The following KIRREL3 variants were observed in gnomAD, a reference collection of about 807,000 sequenced individuals.
KIRREL3 encodes kin of IRRE-like protein 3.
In KIRREL3, 36 loss-of-function variants were observed where a neutral mutation model predicts 89.7. That is an observed-to-expected ratio of 0.40 (90% CI 0.31 to 0.53). The LOEUF is 0.53. KIRREL3 is among the 20% of genes least tolerant of loss of function. KIRREL3 has a pLI of 0.49. For synonymous variants in KIRREL3, 445 were observed against 441.4 expected (o/e 1.01, Z -0.10); for missense variants, 864 against 1,056.6 (o/e 0.82, Z 2.53).
chr11:126,649,889 C>G (rs1944842414), intron 1 of KIRREL3, among the ~76,000 whole-genome samples: 1 of 152,250 alleles, frequency 6.6e-6, no homozygotes, highest in African/African-American at 2.4e-5. Context: ...CAGAAGTTCT[C>G]CATGAGGTTC....
intron 1 of KIRREL3, among the ~76,000 whole-genome samples, chr11:126,822,493 G>C (rs200582512): frequency 7.6e-6 from 1 of 131,310 alleles, no homozygotes; most frequent in African/African-American, 2.9e-5. Context: ...AGGAATTTAT[G>C]TTTCCTTAAG....
intron 1 of KIRREL3, among the ~76,000 whole-genome samples, chr11:126,933,230 C>T (rs1321182286): frequency 6.6e-6 from 1 of 152,084 alleles, no homozygotes; most frequent in Non-Finnish European, 1.5e-5. Flanking sequence ...TCTCCTGTCC[C>T]ACTATCAAAG....
intron 2 of KIRREL3, among the ~76,000 whole-genome samples, chr11:126,560,320 C>T (rs1940024033): frequency 6.6e-6 from 1 of 152,166 alleles, no homozygotes; most frequent in South Asian, 2.1e-4. Context: ...TACCAACCAC[C>T]TCCATTCCTG....
rs1215431065 is a variant in KIRREL3, at chr11:126,558,814, G to A, written c.133+4021C>T. Among the ~76,000 whole-genome samples, 1 of 151,768 alleles carries A rather than the reference G, an allele frequency of 6.6e-6. No homozygotes were observed. Among genetic ancestry groups the A allele is most frequent in the Non-Finnish European group, 1.5e-5 (1 of 67,868 alleles). On this transcript the variant is annotated intron_variant, in intron 2 of 16. Transcript: ENST00000525144. This position sits in a 1 kb window ranked among gnomAD's most constrained non-coding sequence, Gnocchi z 4.0. ...GCCAGGAAGGGGAGGTGAAGGTTGTGTGCGTGTGTGCACACATGTGGGTGT... is the reference window on the plus strand; with the variant it reads ...GCCAGGAAGGGGAGGTGAAGGTTGTATGCGTGTGTGCACACATGTGGGTGT...
At chr11:126,451,366 CTA>C (rs138565743) in intron 7 of KIRREL3, among the ~76,000 whole-genome samples, 42,452 of 107,410 alleles carry the variant, frequency 0.4, 6,438 homozygotes, top group Admixed American at 0.44. Flanking sequence ...GTGAGTGTGA[CTA>C]TGTGTGAGCG....
rs1947440819 is a variant in KIRREL3 at position 126,704,568 on chromosome 11, T to C, written c.56-141656A>G. On this transcript the variant is annotated intron_variant, in intron 1 of 16. Coordinates refer to ENST00000525144, the MANE Select transcript of KIRREL3 (RefSeq NM_032531.4). This position sits in a 1 kb window ranked among gnomAD's most constrained non-coding sequence, Gnocchi z 4.2. ...CTAAAAGGCTGCCCTATTTGTGTTGTGTGTCCCTGTACACGTGCGTATTTG... is the reference window on the plus strand; with the variant it reads ...CTAAAAGGCTGCCCTATTTGTGTTGCGTGTCCCTGTACACGTGCGTATTTG... Among the ~76,000 whole-genome samples, 1 of 152,228 alleles carries C rather than the reference T, an allele frequency of 6.6e-6. No individual in the cohort carries two copies. The highest frequency in any genetic ancestry group is 2.4e-5 in the African/African-American group (1 of 41,458).
intron 1 of KIRREL3, among the ~76,000 whole-genome samples, chr11:126,963,207 A>G (rs1038126237): frequency 6.6e-6 from 1 of 152,112 alleles, no homozygotes; most frequent in African/African-American, 2.4e-5. Context: ...TGGAGAAGAC[A>G]GGAACAGTTG....
At chr11:126,701,684 T>C (rs893966588) in intron 1 of KIRREL3, among the ~76,000 whole-genome samples, 1 of 151,616 alleles carries the variant, frequency 6.6e-6, no homozygotes, top group Admixed American at 6.6e-5. Context: ...GGTCAGAGGG[T>C]GGAGGAGGTG....
In KIRREL3 at chr11:126,475,338, C is replaced by T. The variant is rs1957035219; in HGVS notation, c.434-1872G>A. Among the ~76,000 whole-genome samples, 1 of 152,214 alleles carries T rather than the reference C, an allele frequency of 6.6e-6. No individual in the cohort carries two copies. The highest frequency in any genetic ancestry group is 1.5e-5 in the Non-Finnish European group (1 of 68,032). On this transcript the variant is annotated intron_variant, in intron 4 of 16. Transcript: ENST00000525144. The surrounding 1 kb of genome is among the most constrained non-coding windows in gnomAD (Gnocchi z 7.5). ...GGGGATCGCCCCGTCAGCCCTTCTC[C>T]TAGTCCACTCCGGCTTCTGTGAAAG...
At chr11:126,804,688 T>C (rs796733098) in intron 1 of KIRREL3, among the ~76,000 whole-genome samples, 2 of 152,336 alleles carry the variant, frequency 1.3e-5, no homozygotes, top group African/African-American at 2.4e-5. Context: ...CCTGCTTTAA[T>C]TTGTCACTTC....
chr11:126,595,231 A>G (rs1193695821), intron 1 of KIRREL3, among the ~76,000 whole-genome samples: 1 of 152,252 alleles, frequency 6.6e-6, no homozygotes, highest in Non-Finnish European at 1.5e-5. Flanking sequence ...CTTTGGGCAG[A>G]CAAAGGAGCT....
intron 1 of KIRREL3, among the ~76,000 whole-genome samples, chr11:126,878,860 C>A (rs1371416055): frequency 6.6e-6 from 1 of 152,152 alleles, no homozygotes; most frequent in Non-Finnish European, 1.5e-5. Flanking sequence ...CAAGTGTCCC[C>A]TTGTGGACCT....
intron 1 of KIRREL3, among the ~76,000 whole-genome samples, chr11:126,878,759 A>G (rs1390850988): frequency 6.6e-6 from 1 of 152,274 alleles, no homozygotes; most frequent in African/African-American, 2.4e-5. Flanking sequence ...ATTAAATGTG[A>G]TGGGAAACAC....
At chr11:126,730,251 A>G (rs951748242) in intron 1 of KIRREL3, among the ~76,000 whole-genome samples, 5 of 152,164 alleles carry the variant, frequency 3.3e-5, no homozygotes, top group Non-Finnish European at 5.9e-5. Flanking sequence ...GGGGGCCCAC[A>G]GGCCCCTTGA....
rs779094762 is a variant in KIRREL3, at chr11:126,641,136, C to G, written c.56-78224G>C. Among the ~76,000 whole-genome samples the G allele has an allele frequency of 2.6e-5, 4 of 152,158 alleles. No homozygotes were observed. Among genetic ancestry groups the G allele is most frequent in the Admixed American group, 6.5e-5 (1 of 15,282 alleles). On this transcript the variant is annotated intron_variant, in intron 1 of 16. Coordinates refer to ENST00000525144, the MANE Select transcript of KIRREL3 (RefSeq NM_032531.4). The surrounding 1 kb of genome is among the most constrained non-coding windows in gnomAD (Gnocchi z 5.0). Reference sequence around the variant, plus strand: ...CTTGTCAGTGGCAATTTTATCCTTCCAGTTACTCAGACCAGGAAACTTGAA... The same window carrying G: ...CTTGTCAGTGGCAATTTTATCCTTCGAGTTACTCAGACCAGGAAACTTGAA...
intron 1 of KIRREL3, among the ~76,000 whole-genome samples, chr11:126,973,979 G>C (rs565274888): frequency 1.3e-4 from 20 of 152,224 alleles, no homozygotes; most frequent in Non-Finnish European, 2.2e-4. Flanking sequence ...CCAAGGGCAA[G>C]ACTAGGGCTC....
rs1946211534 is a variant in KIRREL3 at position 126,897,431 on chromosome 11, AT to A, written c.55+103023del. Among the ~76,000 whole-genome samples the A allele has an allele frequency of 6.6e-6, 1 of 152,124 alleles. No homozygotes were observed. Among genetic ancestry groups the A allele is most frequent in the South Asian group, 2.1e-4 (1 of 4,824 alleles). On this transcript the variant is annotated intron_variant, in intron 1 of 16. Transcript: ENST00000525144. The surrounding 1 kb of genome is among the most constrained non-coding windows in gnomAD (Gnocchi z 4.2). ...TTTGGGGAAAAAAAATGAATGTGCA[AT>A]TCAACTGTACCCCAGAACAGTCCAT...
At chr11:126,732,555 G>T (rs997962865) in intron 1 of KIRREL3, among the ~76,000 whole-genome samples, 1 of 152,218 alleles carries the variant, frequency 6.6e-6, no homozygotes, top group African/African-American at 2.4e-5. Context: ...CAATATACCT[G>T]CTTGTCTCGG....
chr11:126,444,507 C>T (rs1955711627), intron 10 of KIRREL3, among the ~76,000 whole-genome samples: 1 of 152,218 alleles, frequency 6.6e-6, no homozygotes, highest in African/African-American at 2.4e-5. Flanking sequence ...TGCCTGTAGT[C>T]CCAGCTACTC....
Sources: gnomAD v4.1 joint callset for allele counts (sites outside exome capture counted in the v4.1 genomes callset) on GRCh38, gnomAD v4.1.1 for gene constraint, Gnocchi (gnomAD v3.1) non-coding constraint, MANE v1.5 for transcripts, NCBI Gene and HGNC (gene_info 2026-07-23, HGNC 2026-07-21) for gene names.